The following MACF1 variants were observed in gnomAD, a reference collection of about 807,000 sequenced individuals.
MACF1 encodes microtubule actin crosslinking factor 1, also known as microtubule-actin cross-linking factor 1.
In MACF1, 193 loss-of-function variants were observed where a neutral mutation model predicts 854.8. That is an observed-to-expected ratio of 0.23 (90% confidence interval 0.20 to 0.25). The LOEUF (loss-of-function observed/expected upper bound fraction) is 0.25. Among genes scored for constraint, MACF1 ranks in the 10% least tolerant of loss-of-function variants. MACF1 has a pLI of 1.00. For missense variants in MACF1, 7,722 were observed against 8,929.1 expected (o/e 0.86, Z 5.45); for synonymous variants, 3,185 against 3,226.7 (o/e 0.99, Z 0.44).
At chr1:39,273,230 G>C (rs1275114719) in intron 6 of MACF1, among the ~76,000 whole-genome samples, 1 of 148,840 alleles carries the variant, frequency 6.7e-6, no homozygotes, top group Non-Finnish European at 1.5e-5. Flanking sequence ...TCTGCCTCCC[G>C]GGTTCCAGCT....
chr1:39,285,453 T>C (rs2148386284), intron 13 of MACF1, 63 bp downstream of exon 13: 1 of 1,583,504 alleles, frequency 6.3e-7, no homozygotes, highest in South Asian at 1.1e-5. Flanking sequence ...CACCCTCTGC[T>C]CTAATTGTTG....
At chr1:39,479,727 C>A in intron 97 of MACF1, 71 bp from the exon 98 acceptor site, 1 of 1,358,916 alleles carries the variant, frequency 7.4e-7, no homozygotes, top group Admixed American at 1.9e-5. Flanking sequence ...TGGGGTCAAG[C>A]CGCTGTATAA....
At position 39,102,746 on chromosome 1, in the gene MACF1, T is replaced by G. The variant is rs750959591; in HGVS notation, c.220+18308T>G. On this transcript the variant is annotated intron_variant, in intron 2 of 93. Transcript: ENST00000361689. ...CCTTCTGCTTCCCCCATTGCAGCCT[T>G]CTTAGAAATGCAGCAGCAGTCTCAC... 6.5e-4 allele frequency: 454 copies of G among 702,346 alleles called. 6 individuals are homozygous for G. Among genetic ancestry groups the G allele is most frequent in the Middle Eastern group, 3.4e-3 (15 of 4,366 alleles). The allele number at this position is 702,346 out of a possible 1,614,324, so 43.5% of individuals were successfully genotyped here.
intron 97 of MACF1, among the ~76,000 whole-genome samples, chr1:39,472,248 A>G (rs1369068524): frequency 6.6e-6 from 1 of 152,214 alleles, no homozygotes; most frequent in African/African-American, 2.4e-5. Flanking sequence ...AAATATTTGA[A>G]TCAATGTAAA....
chr1:39,398,499 G>A (rs376895210), intron 58 of MACF1, among the ~76,000 whole-genome samples: 6 of 151,926 alleles, frequency 3.9e-5, no homozygotes, highest in East Asian at 3.9e-4. Flanking sequence ...TAAGTGCTGC[G>A]AAACAACCTA....
chr1:39,088,423 C>A (rs1239203636), intron 2 of MACF1, among the ~76,000 whole-genome samples: 1 of 152,204 alleles, frequency 6.6e-6, no homozygotes, highest in Non-Finnish European at 1.5e-5. Context: ...TTAGGCAATA[C>A]CTGGCAACCA....
rs569360788 is a variant in MACF1, at chr1:39,460,442, G to A, written c.21361-190G>A. On this transcript the variant is annotated intron_variant, in intron 91 of 100. Transcript: ENST00000564288. This position sits in a 1 kb window ranked among gnomAD's most constrained non-coding sequence, Gnocchi z 4.1. Reference sequence around the variant, plus strand: ...TTGCTATTCCATTATACCATAGCTCGTGTAAATAGTCATGGCTTTAAGTGA... The same window carrying A: ...TTGCTATTCCATTATACCATAGCTCATGTAAATAGTCATGGCTTTAAGTGA... Among the ~76,000 whole-genome samples, 73 of 152,262 alleles carry A rather than the reference G, an allele frequency of 4.8e-4. No homozygotes were observed. Among genetic ancestry groups the A allele is most frequent in the Non-Finnish European group, 7.4e-4 (50 of 68,012 alleles).
intron 2 of MACF1, among the ~76,000 whole-genome samples, chr1:39,129,611 T>TTC (rs1181023687): frequency 6.6e-6 from 1 of 152,136 alleles, no homozygotes; most frequent in South Asian, 2.1e-4. Flanking sequence ...GCATAATCCT[T>TTC]TCTCTCACTT....
At chr1:39,424,247 T>A in intron 61 of MACF1, 53 bp downstream of exon 61, 1 of 1,496,294 alleles carries the variant, frequency 6.7e-7, no homozygotes, top group Middle Eastern at 1.8e-4. Flanking sequence ...TTGTTCTTCT[T>A]CGACTTATTA....
chr1:39,219,490 T>C (rs941572406), intron 1 of MACF1, among the ~76,000 whole-genome samples: 5 of 152,180 alleles, frequency 3.3e-5, no homozygotes, highest in African/African-American at 1.2e-4. Flanking sequence ...ATAAACACAA[T>C]AAATATCGAG....
chr1:39,251,990 G>T, intron 4 of MACF1, 49 bp downstream of exon 4: 1 of 1,327,678 alleles, frequency 7.5e-7, no homozygotes, highest in Non-Finnish European at 1.0e-6. Context: ...TGCTGGCACT[G>T]CAGGGCCATC....
intron 79 of MACF1, 32 bp from the exon 80 acceptor site, chr1:39,444,630 A>G (rs1318857624): frequency 1.3e-6 from 2 of 1,584,688 alleles, no homozygotes; most frequent in Non-Finnish European, 8.6e-7. Flanking sequence ...GAGAATTCGT[A>G]GAATTGATAT....
intron 58 of MACF1, among the ~76,000 whole-genome samples, chr1:39,416,591 A>G (rs186526269): frequency 6.6e-6 from 1 of 152,340 alleles, no homozygotes; most frequent in Non-Finnish European, 1.5e-5. Context: ...AAATCTGCAT[A>G]AAGGGGAAAA....
rs115683813 is a variant in MACF1, at chr1:39,178,984, A to G, written c.221-52198A>G. ...GCATGCTGGAGGCAGTCAGAACATA[A>G]GGAGTTAAATTGCAGTGAACTTATG... On this transcript the variant is annotated intron_variant, in intron 2 of 93. Coordinates refer to the MACF1 transcript ENST00000361689. Among the ~76,000 whole-genome samples the G allele has an allele frequency of 4.1e-3, 625 of 152,308 alleles. 3 individuals are homozygous for G. The highest frequency in any genetic ancestry group is 0.015 in the African/African-American group (604 of 41,554).
intron 69 of MACF1, among the ~76,000 whole-genome samples, chr1:39,434,986 A>G (rs767360570): frequency 1.2e-4 from 19 of 152,218 alleles, no homozygotes; most frequent in Non-Finnish European, 2.6e-4. Context: ...CTGGAGTGAA[A>G]GCCATGAGGT....
At chr1:39,394,239 T>TTTGATTGA (rs57627120) in intron 58 of MACF1, among the ~76,000 whole-genome samples, 133 of 149,692 alleles carry the variant, frequency 8.9e-4, no homozygotes, top group African/African-American at 7.3e-4. Flanking sequence ...AACGCCTTCA[T>TTTGATTGA]TTGATTGATT....
chr1:39,420,040 A>G (rs576494795), intron 58 of MACF1, among the ~76,000 whole-genome samples: 19 of 152,344 alleles, frequency 1.2e-4, no homozygotes, highest in South Asian at 4.1e-4. Context: ...TTCTCTATCA[A>G]TAGTCCAGTA....
intron 56 of MACF1, among the ~76,000 whole-genome samples, chr1:39,384,474 G>A (rs1650515706): frequency 6.6e-6 from 1 of 152,112 alleles, no homozygotes; most frequent in African/African-American, 2.4e-5. Flanking sequence ...GCTGGGGTTT[G>A]AGAACTTATG....
rs760337316 is a variant in MACF1 at position 39,428,236 on chromosome 1, C to T, written c.16752C>T (p.Phe5584=). The T allele has an allele frequency of 5.0e-6, 8 of 1,613,902 alleles. No homozygotes were observed. Among genetic ancestry groups the T allele is most frequent in the East Asian group, 4.5e-5 (2 of 44,886 alleles). ...TTGAGGACAAGCTCAGTTCAGTGTT[C>T]GTAAAGGATTTCAAACAGGATGTCC... The part of the protein sequence containing the change: ...AEVEDKLSSV[F]VKDFKQDVLH... Residue 5584 remains phenylalanine (F), a synonymous_variant, in exon 63 of 101, where the codon TTC becomes TTT. Transcript: ENST00000564288.
Sources: allele counts gnomAD v4.1 joint callset (sites outside exome capture counted in the v4.1 genomes callset), GRCh38; gene constraint gnomAD v4.1.1; non-coding constraint Gnocchi (gnomAD v3.1); transcripts MANE v1.5; gene names NCBI Gene and HGNC (gene_info 2026-07-23, HGNC 2026-07-21).